CERS4: variants seen among roughly 807,000 people sequenced by gnomAD.
CERS4 encodes ceramide synthase 4.
In CERS4, 65 loss-of-function variants were observed where a neutral mutation model predicts 51.8. The observed-to-expected ratio is 1.26, with a 90% CI of 1.03 to 1.54. The LOEUF (loss-of-function observed/expected upper bound fraction) is 1.54, where lower values mean the gene tolerates loss of function less well. CERS4 is among the 40% of genes most tolerant of loss of function. The pLI is 0.00. For synonymous variants in CERS4, 228 were observed against 208.4 expected (o/e 1.09, Z -0.81); for missense variants, 563 against 500.4 (o/e 1.13, Z -1.19).
Position 8,222,385 on chromosome 19 carries a change from G to T in CERS4, c.-2+11523G>T, listed in dbSNP as rs181017607. ...GTAGAGATGGGGTTTCACCATGTTG[G>T]CCAGGCTGGTCTTGAACTCCTGACC... On this transcript the variant is annotated intron_variant, in intron 2 of 11. Coordinates refer to ENST00000251363, the MANE Select transcript of CERS4 (RefSeq NM_024552.3). Among the ~76,000 whole-genome samples the T allele has an allele frequency of 1.4e-4, 22 of 151,774 alleles. No homozygotes were observed. The East Asian group carries it at 4.3e-3, about 29-fold the overall frequency.
At chr19:8,248,802 AGAT>A (rs1453646675) in intron 2 of CERS4, among the ~76,000 whole-genome samples, 5 of 133,208 alleles carry the variant, frequency 3.8e-5, no homozygotes, top group African/African-American at 1.5e-4. Flanking sequence ...GTAGGTGGAT[AGAT>A]GATGTTTGTA....
chr19:8,239,842 G>A (rs1252830735), intron 2 of CERS4, among the ~76,000 whole-genome samples: 2 of 152,160 alleles, frequency 1.3e-5, no homozygotes, highest in Non-Finnish European at 2.9e-5. Context: ...CATCCATGTA[G>A]CAAACATTTA....
chr19:8,226,145 C>T (rs1031057223), intron 2 of CERS4, among the ~76,000 whole-genome samples: 4 of 151,784 alleles, frequency 2.6e-5, no homozygotes, highest in Admixed American at 1.3e-4. Context: ...TGCAGTGAGC[C>T]GAAGTCACAC....
Position 8,256,271 on chromosome 19 carries a change from C to T in CERS4, c.504C>T (p.Asp168=). Residue 168 remains aspartate, a synonymous_variant, in exon 7 of 12, where the codon GAC becomes GAT. Transcript: ENST00000251363. Reference sequence around the variant, plus strand: ...TGTGGGCACCAGTAATGTGCTGGGACAGGTACCCAAACCAGGTGAGTGGCA... The same window carrying T: ...TGTGGGCACCAGTAATGTGCTGGGATAGGTACCCAAACCAGGTGAGTGGCA... The part of the protein sequence containing the change: ...SWLWAPVMCW[D]RYPNQTLKPS... The T allele has an allele frequency of 1.2e-6, 2 of 1,613,562 alleles. No individual in the cohort carries two copies. The highest frequency in any genetic ancestry group is 8.5e-7 in the Non-Finnish European group (1 of 1,179,824).
chr19:8,229,354 T>C (rs184099773), intron 2 of CERS4, among the ~76,000 whole-genome samples: 2 of 152,094 alleles, frequency 1.3e-5, no homozygotes, highest in Non-Finnish European at 2.9e-5. Flanking sequence ...CTCACATGCA[T>C]GTGGACTATA....
intron 3 of CERS4, among the ~76,000 whole-genome samples, chr19:8,252,877 A>G (rs1969160200): frequency 6.6e-6 from 1 of 152,172 alleles, no homozygotes; most frequent in Non-Finnish European, 1.5e-5. Flanking sequence ...CAAAAACCAG[A>G]ATCCTGAGTT....
At chr19:8,211,464 CA>C (rs1157252910) in intron 2 of CERS4, among the ~76,000 whole-genome samples, 1 of 152,184 alleles carries the variant, frequency 6.6e-6, no homozygotes, top group African/African-American at 2.4e-5. Context: ...TCAGTTTCTC[CA>C]CCTGTAAAAT....
intron 2 of CERS4, 200 bp from the exon 3 acceptor site, chr19:8,250,876 A>G: frequency 7.1e-7 from 1 of 1,408,408 alleles, no homozygotes; most frequent in African/African-American, 1.5e-5. Context: ...GATGAGAATG[A>G]AGTGGTGGCT....
intron 10 of CERS4, among the ~76,000 whole-genome samples, chr19:8,260,762 C>CT (rs947764873): frequency 6.6e-6 from 1 of 151,122 alleles, no homozygotes; most frequent in Non-Finnish European, 1.5e-5. Flanking sequence ...CCAGCCTGGC[C>CT]AACATGGCAA....
intron 10 of CERS4, among the ~76,000 whole-genome samples, chr19:8,258,786 G>C (rs145253147): frequency 1.3e-5 from 2 of 151,978 alleles, no homozygotes; most frequent in African/African-American, 4.8e-5. Context: ...AGGCTACAGC[G>C]AATCAAGATT....
At chr19:8,260,972 A>AAAAAC (rs1568543888) in intron 10 of CERS4, 1 of 150,548 alleles carries the variant, frequency 6.6e-6, no homozygotes, top group Non-Finnish European at 1.5e-5. Flanking sequence ...AAAAAAAAAA[A>AAAAAC]AAAAACAAGA....
chr19:8,211,806 C>T (rs1024900220), intron 2 of CERS4, among the ~76,000 whole-genome samples: 3 of 149,956 alleles, frequency 2.0e-5, no homozygotes, highest in Admixed American at 6.8e-5. Flanking sequence ...GCAGGAGAAT[C>T]TCTTGAACCT....
chr19:8,224,725 C>T lies in CERS4; in HGVS notation c.-2+13863C>T, dbSNP rs778424252. Among the ~76,000 whole-genome samples the T allele has an allele frequency of 1.1e-4, 16 of 152,200 alleles. No homozygotes were observed. The East Asian group carries it at 1.4e-3, about 13-fold the overall frequency. On this transcript the variant is annotated intron_variant, in intron 2 of 11. Coordinates refer to ENST00000251363, the MANE Select transcript of CERS4 (RefSeq NM_024552.3). ...AAGACCTGGGTGCTGAGTGGGGAGG[C>T]GGCCACCATGATTCAATCAAGAAAT...
chr19:8,231,894 G>A (rs1242578064), intron 2 of CERS4, among the ~76,000 whole-genome samples: 2 of 132,346 alleles, frequency 1.5e-5, no homozygotes, highest in Non-Finnish European at 3.2e-5. Flanking sequence ...TCCCAGGCTG[G>A]AGTGCAGTGG....
chr19:8,247,083 T>C (rs1968818994), intron 2 of CERS4, among the ~76,000 whole-genome samples: 1 of 152,182 alleles, frequency 6.6e-6, no homozygotes, highest in African/African-American at 2.4e-5. Flanking sequence ...CGAGAATTGC[T>C]TGAACCCTCA....
intron 10 of CERS4, 46 bp downstream of exon 10, chr19:8,258,031 C>T: frequency 6.9e-7 from 1 of 1,438,998 alleles, no homozygotes; most frequent in Non-Finnish European, 9.8e-7. Context: ...GAGGGCGTGT[C>T]TGAGATTCCA....
At chr19:8,232,746 G>A (rs1274911935) in intron 2 of CERS4, among the ~76,000 whole-genome samples, 3 of 145,918 alleles carry the variant, frequency 2.1e-5, no homozygotes, top group African/African-American at 7.7e-5. Flanking sequence ...TTTGAGACAC[G>A]GTCTCACCCT....
At chr19:8,235,713 C>A (rs1968219523) in intron 2 of CERS4, among the ~76,000 whole-genome samples, 1 of 150,846 alleles carries the variant, frequency 6.6e-6, no homozygotes, top group Non-Finnish European at 1.5e-5. Context: ...CATAGTGAGA[C>A]CCTCCCCCCA....
At chr19:8,253,449 C>CTTTTTTTTT (rs35212733) in intron 3 of CERS4, among the ~76,000 whole-genome samples, 4 of 74,060 alleles carry the variant, frequency 5.4e-5, no homozygotes, top group African/African-American at 2.0e-4. Flanking sequence ...GTCCAGCTGC[C>CTTTTTTTTT]TTTTTTTTTT....
Sources: allele counts gnomAD v4.1 joint callset (sites outside exome capture counted in the v4.1 genomes callset), GRCh38; gene constraint gnomAD v4.1.1; transcripts MANE v1.5; gene names NCBI Gene and HGNC (gene_info 2026-07-23, HGNC 2026-07-21).